The following ANKRD30A variants were observed in gnomAD, a reference collection of about 807,000 sequenced individuals.
ANKRD30A encodes ankyrin repeat domain 30A, also known as ankyrin repeat domain-containing protein 30A.
ANKRD30A carries 170 observed loss-of-function variants against 166.3 expected under a neutral mutation model. The observed-to-expected ratio is 1.02, with a 90% confidence interval of 0.90 to 1.16. The LOEUF is 1.16. Ranked by LOEUF, ANKRD30A falls within the 50% of genes most tolerant of loss-of-function variation. ANKRD30A has a pLI of 0.00. For synonymous variants in ANKRD30A, 564 were observed against 508.9 expected, an observed-to-expected ratio of 1.11 and a Z score of -1.46; for missense variants, 1,630 against 1,518.0, an observed-to-expected ratio of 1.07 and a Z score of -1.23.
intron 30 of ANKRD30A, 78 bp from the exon 31 acceptor site, chr10:37,201,157 T>A (rs1841591979): frequency 1.7e-6 from 2 of 1,208,880 alleles, no homozygotes; most frequent in Non-Finnish European, 2.3e-6. Flanking sequence ...TAAAAAAAGA[T>A]TTTAATTAGG....
At chr10:37,199,812 T>A (rs1207632881) in intron 30 of ANKRD30A, 24 bp downstream of exon 30, 12 of 1,380,060 alleles carry the variant, frequency 8.7e-6, no homozygotes, top group East Asian at 4.6e-5. Flanking sequence ...TTGATTTTTT[T>A]AAATATTAGT....
At chr10:37,200,234 G>A (rs1346253301) in intron 30 of ANKRD30A, among the ~76,000 whole-genome samples, 10 of 152,004 alleles carry the variant, frequency 6.6e-5, no homozygotes, top group South Asian at 2.1e-4. Flanking sequence ...GGACTTGAAC[G>A]TATTGACATA....
chr10:37,156,484 A>G (rs550898478), intron 13 of ANKRD30A, among the ~76,000 whole-genome samples: 54 of 152,326 alleles, frequency 3.5e-4, no homozygotes, highest in African/African-American at 1.2e-3. Flanking sequence ...TCAACCTTAC[A>G]TAGGATTCTT....
chr10:37,265,539 A>G, the ANKRD30A span, among the ~76,000 whole-genome samples: 50 of 152,344 alleles, frequency 3.3e-4, no homozygotes, highest in African/African-American at 1.1e-3. Flanking sequence ...CTGGGCTCCC[A>G]GGAACCCAAG....
In ANKRD30A at chr10:37,219,874, G is replaced by A. The variant is rs1332093611; in HGVS notation, c.4162G>A (p.Glu1388Lys). Residue 1388 changes from glutamate to lysine, a missense_variant, in exon 34 of 36, where the codon GAA becomes AAA. By Grantham distance (56) the Glu-to-Lys change is moderately conservative (BLOSUM62 1). Coordinates refer to ENST00000361713, the MANE Select transcript of ANKRD30A (RefSeq NM_052997.3). ...TTTAAAAAACCGTATATATCAATAT[G>A]AAAAAGAGAAAGCAGAAACAGAAGT... ...NHLKNRIYQYEKEKAETENS is the reference protein window; with the variant it reads ...NHLKNRIYQYKKEKAETENS 2.0e-6 allele frequency: 3 copies of A among 1,513,462 alleles called. No homozygotes were observed. The highest frequency in any genetic ancestry group is 2.7e-6 in the Non-Finnish European group (3 of 1,130,220). The allele number at this position is 1,513,462 out of a possible 1,614,324, so 93.8% of individuals were successfully genotyped here.
intron 31 of ANKRD30A, among the ~76,000 whole-genome samples, chr10:37,205,744 T>C (rs1307018489): frequency 2.6e-5 from 4 of 152,216 alleles, no homozygotes; most frequent in Non-Finnish European, 5.9e-5. Flanking sequence ...ATTTTTTCAG[T>C]ATTGTCTAGA....
At chr10:37,243,019 A>G in the ANKRD30A span, among the ~76,000 whole-genome samples, 1 of 152,036 alleles carries the variant, frequency 6.6e-6, no homozygotes, top group Non-Finnish European at 1.5e-5. Context: ...TTGATTTTGT[A>G]TATTTCATGG....
In ANKRD30A at chr10:37,219,062, A is replaced by G. The variant is rs900072330; in HGVS notation, c.3350A>G (p.Glu1117Gly). The G allele has an allele frequency of 4.4e-6, 7 of 1,607,838 alleles. No homozygotes were observed. Among genetic ancestry groups the G allele is most frequent in the Non-Finnish European group, 6.0e-6 (7 of 1,176,304 alleles). ...AAGGAAATTGCCATGCTAAAACTGG[A>G]AATAGCCACACTGAAACACCAATAC... is the stretch of plus-strand genomic sequence containing the variant. ...LKKEIAMLKL[E>G]IATLKHQYQE... Residue 1117 changes from glutamate to glycine, a missense_variant, in exon 34 of 36, where the codon GAA (glutamate) becomes GGA (glycine). Glu to Gly is a moderately conservative substitution (Grantham distance 98). Coordinates refer to ENST00000361713, the MANE Select transcript of ANKRD30A (RefSeq NM_052997.3).
chr10:37,179,569 G>A lies in ANKRD30A; in HGVS notation c.2421+3351G>A, dbSNP rs2788635. ...ATTTATATTTAATATTATGCTCTAA[G>A]TATATATCCAAGCTGATCAATTCAT... On this transcript the variant is annotated intron_variant, in intron 24 of 35. Coordinates refer to ENST00000361713, the MANE Select transcript of ANKRD30A (RefSeq NM_052997.3). 9.9e-4 allele frequency among the ~76,000 whole-genome samples: 148 copies of A among 150,112 alleles called. 2 individuals are homozygous for A. Among genetic ancestry groups the A allele is most frequent in the African/African-American group, 3.0e-3 (125 of 41,102 alleles).
Position 37,231,513 on chromosome 10 carries a change from G to T in ANKRD30A, c.*44G>T, listed in dbSNP as rs776730941. The T allele has an allele frequency of 2.6e-6, 4 of 1,543,388 alleles. No homozygotes were observed. The African/African-American group carries it at 4.2e-5, about 16-fold the overall frequency. ...CTTCTTTTGGAGAAACAACAGACCA[G>T]ATCTTTACTCACAACTCATGCTAGG... On this transcript the variant is annotated 3_prime_UTR_variant, in exon 35 of 36. Coordinates refer to ENST00000361713, the MANE Select transcript of ANKRD30A (RefSeq NM_052997.3).
chr10:37,192,930 A>G, intron 25 of ANKRD30A, 134 bp from the exon 26 acceptor site: 4 of 1,472,204 alleles, frequency 2.7e-6, no homozygotes, highest in Non-Finnish European at 3.8e-6. Context: ...GTAACCCAAA[A>G]GACCCCAAAA....
chr10:37,251,309 GTTC>G, the ANKRD30A span, among the ~76,000 whole-genome samples: 480 of 152,224 alleles, frequency 3.2e-3, 3 homozygotes, highest in Non-Finnish European at 5.2e-3. Flanking sequence ...GTATGAGTGA[GTTC>G]TTATTACACC....
At chr10:37,222,984 ATTT>A (rs944961397) in intron 34 of ANKRD30A, among the ~76,000 whole-genome samples, 4 of 151,334 alleles carry the variant, frequency 2.6e-5, no homozygotes, top group Non-Finnish European at 4.4e-5. Context: ...TATACTGATA[ATTT>A]ATTTTTTCAG....
intron 31 of ANKRD30A, among the ~76,000 whole-genome samples, chr10:37,207,461 C>CT (rs372439212): frequency 7.8e-4 from 118 of 151,970 alleles, no homozygotes; most frequent in African/African-American, 2.8e-3. Flanking sequence ...GTGTTCTTTG[C>CT]TTTTTTCTTT....
At chr10:37,196,093 A>ATTTATTTTTT in intron 27 of ANKRD30A, among the ~76,000 whole-genome samples, 1 of 129,458 alleles carries the variant, frequency 7.7e-6, no homozygotes, top group Non-Finnish European at 1.6e-5. Flanking sequence ...TATATTTTCT[A>ATTTATTTTTT]TTTTTTTTTT....
At chr10:37,263,792 G>T in the ANKRD30A span, among the ~76,000 whole-genome samples, 1 of 152,084 alleles carries the variant, frequency 6.6e-6, no homozygotes, top group Non-Finnish European at 1.5e-5. Flanking sequence ...CTGTGTCGTG[G>T]GTTGGGGCCC....
At chr10:37,195,711 A>G (rs184726663) in intron 27 of ANKRD30A, among the ~76,000 whole-genome samples, 153 of 152,286 alleles carry the variant, frequency 1.0e-3, no homozygotes, top group South Asian at 2.1e-3. Flanking sequence ...TGACTAACAC[A>G]GTGAAACCCT....
At chr10:37,203,751 C>T (rs913110666) in intron 31 of ANKRD30A, among the ~76,000 whole-genome samples, 6 of 152,054 alleles carry the variant, frequency 3.9e-5, no homozygotes, top group Admixed American at 6.6e-5. Flanking sequence ...TGTCTCAGCC[C>T]GAAATCTTCT....
chr10:37,231,853 G>A (rs1290542912), intron 35 of ANKRD30A, among the ~76,000 whole-genome samples, 173 bp downstream of exon 35: 1 of 151,956 alleles, frequency 6.6e-6, no homozygotes, highest in Non-Finnish European at 1.5e-5. Context: ...AGTCCCTGGA[G>A]CTCTCATTTT....
Sources: gnomAD v4.1 joint callset for allele counts (sites outside exome capture counted in the v4.1 genomes callset) on GRCh38, gnomAD v4.1.1 for gene constraint, MANE v1.5 for transcripts, NCBI Gene and HGNC (gene_info 2026-07-23, HGNC 2026-07-21) for gene names.